Variants in CDH8 observed in about 807,000 individuals in gnomAD.
CDH8 encodes the protein cadherin-8.
Under a neutral mutation model 68.1 loss-of-function variants are expected in CDH8, and 17 were observed. The observed-to-expected ratio is 0.25, with a 90% confidence interval of 0.17 to 0.37. CDH8 has a LOEUF of 0.37. CDH8 is among the 10% of genes least tolerant of loss of function. CDH8 has a pLI of 1.00. For missense variants in CDH8, 763 were observed against 999.3 expected (o/e 0.76, Z 3.19); for synonymous variants, 372 against 365.1 (o/e 1.02, Z -0.21).
At chr16:61,814,934 T>C (rs890196010) in intron 7 of CDH8, among the ~76,000 whole-genome samples, 9 of 152,186 alleles carry the variant, frequency 5.9e-5, no homozygotes, top group Non-Finnish European at 1.2e-4. Flanking sequence ...AAAAATATGG[T>C]TTGTGATTCT....
chr16:61,839,508 A>G (rs758257463), intron 4 of CDH8, among the ~76,000 whole-genome samples: 50 of 152,320 alleles, frequency 3.3e-4, no homozygotes, highest in Non-Finnish European at 6.2e-4. Context: ...ATCCAAAGAA[A>G]TCTCAGGTGA....
chr16:61,756,862 C>G (rs1960333424), intron 8 of CDH8, among the ~76,000 whole-genome samples: 1 of 152,132 alleles, frequency 6.6e-6, no homozygotes, highest in Non-Finnish European at 1.5e-5. Flanking sequence ...AACATAGCTC[C>G]ATCTTCCTGT....
chr16:61,907,335 T>G, intron 2 of CDH8, among the ~76,000 whole-genome samples: 1 of 152,214 alleles, frequency 6.6e-6, no homozygotes, highest in South Asian at 2.1e-4. Flanking sequence ...ACATCAAAAC[T>G]TCTTTTGAAG....
rs2142992841 is a variant in CDH8 at position 61,783,187 on chromosome 16, G to C, written c.1414+6159C>G. On this transcript the variant is annotated intron_variant, in intron 8 of 11. Transcript: ENST00000577390. ...CAAAGGCAAAGAAGTTGAAAACTTTGAAAAAAATTTAGAAGAATGTATAAC... is the reference window on the plus strand; with the variant it reads ...CAAAGGCAAAGAAGTTGAAAACTTTCAAAAAAATTTAGAAGAATGTATAAC... Among the ~76,000 whole-genome samples the C allele has an allele frequency of 2.4e-5, 3 of 122,748 alleles. No individual in the cohort carries two copies. The East Asian group carries it at 6.9e-4, about 28-fold the overall frequency. 80.5% of individuals were successfully genotyped at this position (122,748 alleles called of 152,430 possible). A position where few individuals can be genotyped will look rare whatever the true frequency, so the allele number is the denominator to read the frequency against.
At chr16:61,804,502 A>G (rs908147481) in intron 7 of CDH8, among the ~76,000 whole-genome samples, 6 of 150,614 alleles carry the variant, frequency 4.0e-5, no homozygotes, top group Admixed American at 6.6e-5. Context: ...GACACAAAAA[A>G]CCCTTCAAAA....
intron 3 of CDH8, among the ~76,000 whole-genome samples, chr16:61,887,156 G>A (rs1963689791): frequency 1.3e-5 from 2 of 151,970 alleles, no homozygotes; most frequent in South Asian, 4.2e-4. Context: ...TTAAAGGATA[G>A]GAGTAGGAGG....
chr16:61,766,926 T>C (rs1380560679), intron 8 of CDH8, among the ~76,000 whole-genome samples: 4 of 151,952 alleles, frequency 2.6e-5, no homozygotes, highest in Admixed American at 1.3e-4. Flanking sequence ...GGACTAACCT[T>C]TGAGCTGCAA....
chr16:61,773,261 G>A (rs754006364), intron 8 of CDH8, among the ~76,000 whole-genome samples: 15 of 151,990 alleles, frequency 9.9e-5, no homozygotes, highest in Non-Finnish European at 1.6e-4. Context: ...CCCATGTAGT[G>A]GAAGAATCTC....
At chr16:61,677,562 C>T (rs2142792206) in intron 10 of CDH8, among the ~76,000 whole-genome samples, 1 of 151,958 alleles carries the variant, frequency 6.6e-6, no homozygotes, top group South Asian at 2.1e-4. Flanking sequence ...ATAGAGAGGA[C>T]AAATTGCAAC....
At chr16:61,716,475 C>T (rs1964732656) in intron 9 of CDH8, among the ~76,000 whole-genome samples, 2 of 151,738 alleles carry the variant, frequency 1.3e-5, no homozygotes, top group African/African-American at 4.8e-5. Context: ...ACTGGAACTA[C>T]TGACTAAAAA....
At chr16:61,694,768 T>TTGG (rs927663987) in intron 10 of CDH8, among the ~76,000 whole-genome samples, 113 of 151,758 alleles carry the variant, frequency 7.4e-4, no homozygotes, top group African/African-American at 1.4e-3. Context: ...GTTGTTGCTG[T>TTGG]TGGTGGTGGT....
chr16:61,789,634 T>G, intron 7 of CDH8, 152 bp from the exon 8 acceptor site: 2 of 680,852 alleles, frequency 2.9e-6, no homozygotes, highest in Non-Finnish European at 4.6e-6. Flanking sequence ...CAAAAATGAC[T>G]GAATGAGGCA....
chr16:61,710,166 C>T (rs1964605699), intron 10 of CDH8, among the ~76,000 whole-genome samples: 1 of 152,062 alleles, frequency 6.6e-6, no homozygotes. Flanking sequence ...TCACACATAT[C>T]CATCACAGCA....
chr16:61,688,489 C>T (rs941670945), intron 10 of CDH8, among the ~76,000 whole-genome samples: 6 of 151,808 alleles, frequency 4.0e-5, no homozygotes, highest in African/African-American at 9.7e-5. Context: ...CTTCCTTTTT[C>T]GTGTAGTGTG....
intron 7 of CDH8, among the ~76,000 whole-genome samples, chr16:61,792,652 C>T (rs1246521832): frequency 2.6e-5 from 4 of 151,940 alleles, no homozygotes; most frequent in South Asian, 2.1e-4. Flanking sequence ...TGTTAAACAG[C>T]GGAACCAGAA....
rs529404996 is a variant in CDH8, at chr16:61,886,430, C to T, written c.547+14749G>A. Among the ~76,000 whole-genome samples, 3 of 152,352 alleles carry T rather than the reference C, an allele frequency of 2.0e-5. No homozygotes were observed. The South Asian group carries it at 6.2e-4, about 32-fold the overall frequency. ...TCTTTTGAATCCCCCTGGTCACTGTCATCACTGCCACCCAAGGCATCCAGC... is the reference window on the plus strand; with the variant it reads ...TCTTTTGAATCCCCCTGGTCACTGTTATCACTGCCACCCAAGGCATCCAGC... On this transcript the variant is annotated intron_variant, in intron 3 of 11. Transcript: ENST00000577390.
intron 9 of CDH8, among the ~76,000 whole-genome samples, chr16:61,717,637 G>C (rs928920019): frequency 1.3e-5 from 2 of 151,480 alleles, no homozygotes; most frequent in African/African-American, 4.8e-5. Flanking sequence ...GATCTGATCT[G>C]TTAACAAGCA....
chr16:61,778,654 G>C (rs1960961377), intron 8 of CDH8, among the ~76,000 whole-genome samples: 2 of 152,080 alleles, frequency 1.3e-5, no homozygotes, highest in Non-Finnish European at 2.9e-5. Flanking sequence ...AAAAGACGTA[G>C]TACTATCATT....
intron 2 of CDH8, among the ~76,000 whole-genome samples, chr16:61,967,946 T>A (rs975646252): frequency 1.3e-5 from 2 of 152,108 alleles, no homozygotes; most frequent in South Asian, 4.1e-4. Flanking sequence ...GTAGCTGGGA[T>A]TACAGGCGCC....
Sources: allele counts gnomAD v4.1 joint callset (sites outside exome capture counted in the v4.1 genomes callset), GRCh38; gene constraint gnomAD v4.1.1; transcripts MANE v1.5; gene names NCBI Gene and HGNC (gene_info 2026-07-23, HGNC 2026-07-21).